Variants in REV3L observed in about 807,000 individuals in gnomAD.
The protein encoded by REV3L is REV3 like, DNA directed polymerase zeta catalytic subunit.
In REV3L, 69 loss-of-function variants were observed where a neutral mutation model predicts 299.4. That is an observed-to-expected ratio of 0.23 (90% confidence interval 0.19 to 0.28). REV3L has a LOEUF of 0.28. Among genes scored for constraint, REV3L ranks in the 10% least tolerant of loss-of-function variants. The pLI, the probability that REV3L is intolerant of heterozygous loss-of-function variation, is 1.00. For synonymous variants in REV3L, 1,238 were observed against 1,271.4 expected (o/e 0.97, Z 0.56); for missense variants, 3,128 against 3,693.8 (o/e 0.85, Z 3.97).
At chr6:111,310,951 G>A (rs2114723471) in intron 29 of REV3L, 118 bp downstream of exon 29, 2 of 654,348 alleles carry the variant, frequency 3.1e-6, no homozygotes, top group East Asian at 2.8e-5. Context: ...GAGGCTTCAT[G>A]TGCGCAGGTA....
chr6:111,483,488 G>A (rs557712690), upstream of REV3L: 8 of 533,058 alleles, frequency 1.5e-5, no homozygotes, highest in Non-Finnish European at 2.8e-5. Flanking sequence ...GGGCGGCGGA[G>A]CACCGATCTC....
intron 1 of REV3L, chr6:111,430,260 C>T (rs769235334): frequency 3.9e-5 from 37 of 937,494 alleles, no homozygotes; most frequent in South Asian, 1.4e-4. Context: ...AATCAACTGG[C>T]GAGACAATTG....
rs144497761 is a variant in REV3L at position 111,338,312 on chromosome 6, CTTTTTTTTTTTTTTTT to C, written c.7539-2718_7539-2703del. Among the ~76,000 whole-genome samples, 459 of 47,888 alleles carry C rather than the reference CTTTTTTTTTTTTTTTT, an allele frequency of 9.6e-3. 5 individuals are homozygous for C. Among genetic ancestry groups the C allele is most frequent in the African/African-American group, 0.055 (420 of 7,664 alleles). The allele number at this position is 47,888 out of a possible 152,430, so 31.4% of individuals were successfully genotyped here. A position where few individuals can be genotyped will look rare whatever the true frequency, so the allele number is the denominator to read the frequency against. ...TCTTTGTTTACTCCAGTCTAAAGTCCTTTTTTTTTTTTTTTTTTTTTTTTTTTTTTTTTTTTTTTTA... is the reference window on the plus strand; with the variant it reads ...TCTTTGTTTACTCCAGTCTAAAGTCCTTTTTTTTTTTTTTTTTTTTTTTTA... On this transcript the variant is annotated intron_variant, in intron 21 of 31. Coordinates refer to ENST00000368802, the MANE Select transcript of REV3L (RefSeq NM_001372078.1).
chr6:111,302,273 C>G (rs1291752256), intron 31 of REV3L, among the ~76,000 whole-genome samples: 3 of 152,208 alleles, frequency 2.0e-5, no homozygotes, highest in African/African-American at 4.8e-5. Flanking sequence ...AGACTCAAAT[C>G]TATTCCCAAA....
intron 4 of REV3L, among the ~76,000 whole-genome samples, chr6:111,405,058 G>A (rs1468312317): frequency 1.3e-5 from 2 of 151,606 alleles, no homozygotes; most frequent in East Asian, 3.9e-4. Context: ...CTAGAATTGT[G>A]TATCATATAC....
At chr6:111,372,515 T>C in intron 13 of REV3L, 81 bp downstream of exon 13, 2 of 1,101,720 alleles carry the variant, frequency 1.8e-6, no homozygotes, top group Non-Finnish European at 2.4e-6. Flanking sequence ...TTGCATACAT[T>C]CTTTTTTTTT....
rs533338642 is a variant in REV3L at position 111,475,114 on chromosome 6, A to G, written c.139+7636T>C. 5.0e-4 allele frequency among the ~76,000 whole-genome samples: 72 copies of G among 144,580 alleles called. 1 individual carries two copies. The highest frequency in any genetic ancestry group is 6.8e-3 in the Middle Eastern group (2 of 292). The allele number at this position is 144,580 out of a possible 152,430, so 94.9% of individuals were successfully genotyped here. On this transcript the variant is annotated intron_variant, in intron 1 of 31. Coordinates refer to ENST00000368802, the MANE Select transcript of REV3L (RefSeq NM_001372078.1). ...ATATTTTAACCACACGAATGGCAGC[A>G]AACTGCACATGCAGTCATGCCTCTT...
chr6:111,465,609 T>C (rs1251683503), intron 1 of REV3L, among the ~76,000 whole-genome samples: 1 of 151,498 alleles, frequency 6.6e-6, no homozygotes, highest in East Asian at 2.0e-4. Context: ...GGTACGCGCC[T>C]GTAATCTCAG....
chr6:111,438,871 T>C (rs892768871), intron 1 of REV3L, among the ~76,000 whole-genome samples: 3 of 152,076 alleles, frequency 2.0e-5, no homozygotes, highest in Non-Finnish European at 4.4e-5. Context: ...ACTAAACTTG[T>C]CAAAAACAGT....
chr6:111,465,745 CAAAAAAAAA>C (rs376561912), intron 1 of REV3L, among the ~76,000 whole-genome samples: 3 of 76,864 alleles, frequency 3.9e-5, no homozygotes, highest in Non-Finnish European at 6.9e-5. Context: ...AAACAAAAAC[CAAAAAAAAA>C]AAAAAAAAAA....
Position 111,420,035 on chromosome 6 carries a change from C to T in REV3L, c.140-3563G>A, listed in dbSNP as rs1013148225. ...AATTTTTTGTATTTTTTAGTAGAGA[C>T]GGGGTTTCACCGTGTTAATCAGGAT... On this transcript the variant is annotated intron_variant, in intron 1 of 31. Coordinates refer to ENST00000368802, the MANE Select transcript of REV3L (RefSeq NM_001372078.1). Among the ~76,000 whole-genome samples, 9 of 152,084 alleles carry T rather than the reference C, an allele frequency of 5.9e-5. No homozygotes were observed. The South Asian group carries it at 1.2e-3, about 21-fold the overall frequency.
At chr6:111,321,229 A>C (rs1774155937) in intron 26 of REV3L, among the ~76,000 whole-genome samples, 1 of 152,188 alleles carries the variant, frequency 6.6e-6, no homozygotes, top group Non-Finnish European at 1.5e-5. Context: ...CCTAAATAAT[A>C]TCAAAATCCC....
At chr6:111,473,522 T>C (rs546721613) in intron 1 of REV3L, among the ~76,000 whole-genome samples, 3 of 151,994 alleles carry the variant, frequency 2.0e-5, no homozygotes, top group Non-Finnish European at 4.4e-5. Context: ...CCTAAACTCC[T>C]TTTGCTATAA....
intron 1 of REV3L, among the ~76,000 whole-genome samples, chr6:111,482,293 G>A (rs970721620): frequency 8.5e-5 from 13 of 152,198 alleles, no homozygotes; most frequent in Non-Finnish European, 1.8e-4. Flanking sequence ...CTGACAACAA[G>A]GCTGACACTT....
intron 21 of REV3L, among the ~76,000 whole-genome samples, chr6:111,340,259 C>T (rs1195482395): frequency 6.6e-6 from 1 of 152,076 alleles, no homozygotes; most frequent in Non-Finnish European, 1.5e-5. Flanking sequence ...AGCTCAGAAA[C>T]TGGAATCTGG....
intron 1 of REV3L, among the ~76,000 whole-genome samples, chr6:111,420,246 C>T (rs1284688934): frequency 6.6e-6 from 1 of 152,178 alleles, no homozygotes; most frequent in Non-Finnish European, 1.5e-5. Flanking sequence ...TTAACGTAAA[C>T]TGATACATAA....
chr6:111,466,876 A>T (rs930896972), intron 1 of REV3L, among the ~76,000 whole-genome samples: 1 of 152,240 alleles, frequency 6.6e-6, no homozygotes, highest in Non-Finnish European at 1.5e-5. Flanking sequence ...AAGAAATTTT[A>T]AATTGTTTAA....
chr6:111,413,109 A>T (rs1288522549), intron 2 of REV3L, among the ~76,000 whole-genome samples: 1 of 152,194 alleles, frequency 6.6e-6, no homozygotes, highest in Non-Finnish European at 1.5e-5. Flanking sequence ...AATTGGTTAA[A>T]GAAAGACATA....
At chr6:111,443,499 C>T (rs1193098108) in intron 1 of REV3L, among the ~76,000 whole-genome samples, 1 of 152,160 alleles carries the variant, frequency 6.6e-6, no homozygotes, top group Non-Finnish European at 1.5e-5. Flanking sequence ...TCCCAGCAGG[C>T]AACTAATTTA....
Sources: gnomAD v4.1 joint callset for allele counts (sites outside exome capture counted in the v4.1 genomes callset) on GRCh38, gnomAD v4.1.1 for gene constraint, MANE v1.5 for transcripts, NCBI Gene and HGNC (gene_info 2026-07-23, HGNC 2026-07-21) for gene names.